PEX5L: variants seen among roughly 807,000 people sequenced by gnomAD.
PEX5L encodes PEX5-related protein.
A neutral mutation model predicts 84.0 loss-of-function variants in PEX5L; 30 were observed. That is an observed-to-expected ratio of 0.36 (90% CI 0.27 to 0.48). The LOEUF is 0.48. Among genes scored for constraint, PEX5L ranks in the 20% least tolerant of loss-of-function variants. The pLI is 0.99. For missense variants in PEX5L, 533 were observed against 754.6 expected (o/e 0.71, Z 3.44); for synonymous variants, 270 against 283.1 (o/e 0.95, Z 0.46).
chr3:179,939,734 G>A (rs1207824894), intron 2 of PEX5L, among the ~76,000 whole-genome samples: 1 of 152,136 alleles, frequency 6.6e-6, no homozygotes, highest in Non-Finnish European at 1.5e-5. Context: ...GCCATAAAGA[G>A]GTTACAGCTG....
At chr3:180,022,694 G>T (rs567188511) in intron 1 of PEX5L, among the ~76,000 whole-genome samples, 103 of 152,282 alleles carry the variant, frequency 6.8e-4, no homozygotes, top group Non-Finnish European at 7.6e-4. Context: ...ATCTTGAAAA[G>T]TGTCTCCACA....
intron 8 of PEX5L, 71 bp from the exon 9 acceptor site, chr3:179,820,047 C>G (rs190921361): frequency 3.8e-5 from 60 of 1,599,830 alleles, no homozygotes; most frequent in East Asian, 1.6e-4. Flanking sequence ...TTCTTCCCCC[C>G]CTAATAGATA....
At chr3:179,838,881 G>C (rs1391286011) in intron 8 of PEX5L, among the ~76,000 whole-genome samples, 1 of 152,024 alleles carries the variant, frequency 6.6e-6, no homozygotes, top group Non-Finnish European at 1.5e-5. Context: ...TTTATCCTCA[G>C]TGTTCTGACA....
rs1718294625 is a variant in PEX5L, at chr3:179,799,713, G to C, written c.*2115C>G. On this transcript the variant is annotated 3_prime_UTR_variant, in exon 15 of 15. Coordinates refer to ENST00000467460, the MANE Select transcript of PEX5L (RefSeq NM_016559.3). ...ACAGAGATGGCAGGAGGAAGGAGCA[G>C]GGAAGGAAAGGATGCTTAATCAGGC... 1 of 152,320 alleles carries C rather than the reference G, an allele frequency of 6.6e-6. No homozygotes were observed. The highest frequency in any genetic ancestry group is 2.4e-5 in the African/African-American group (1 of 41,452). The allele number at this position is 152,320 out of a possible 1,614,324, so 9.4% of individuals were successfully genotyped here.
chr3:179,890,424 C>G (rs747111756), intron 3 of PEX5L, among the ~76,000 whole-genome samples: 2 of 152,172 alleles, frequency 1.3e-5, no homozygotes, highest in Non-Finnish European at 2.9e-5. Flanking sequence ...AGCGCAAAGA[C>G]TAAACTCAAC....
chr3:179,897,722 T>G (rs567912173), intron 3 of PEX5L, among the ~76,000 whole-genome samples: 92 of 152,252 alleles, frequency 6.0e-4, no homozygotes, highest in African/African-American at 1.2e-3. Flanking sequence ...TTAAGAAAAT[T>G]TAGATATTCT....
In PEX5L at chr3:179,880,141, G is replaced by C; in HGVS notation, c.311-18C>G. On this transcript the variant is annotated intron_variant, in intron 4 of 14. Coordinates refer to ENST00000467460, the MANE Select transcript of PEX5L (RefSeq NM_016559.3). Reference sequence around the variant, plus strand: ...GGTCAATACTACCAGAAATGGAAGAGGTTAAGATAAGCCCATTTACTACTC... The same window carrying C: ...GGTCAATACTACCAGAAATGGAAGACGTTAAGATAAGCCCATTTACTACTC... The C allele has an allele frequency of 6.6e-7, 1 of 1,519,880 alleles. No homozygotes were observed. Among genetic ancestry groups the C allele is most frequent in the South Asian group, 1.2e-5 (1 of 80,620 alleles). The allele number at this position is 1,519,880 out of a possible 1,614,324, so 94.1% of individuals were successfully genotyped here. A position where few individuals can be genotyped will look rare whatever the true frequency, so the allele number is the denominator to read the frequency against.
intron 8 of PEX5L, among the ~76,000 whole-genome samples, chr3:179,839,116 T>C (rs1444622038): frequency 6.6e-6 from 1 of 152,194 alleles, no homozygotes; most frequent in African/African-American, 2.4e-5. Context: ...GCAATGTTAC[T>C]GATTTTCTTT....
chr3:179,876,540 CT>C (rs1054194871), intron 5 of PEX5L, among the ~76,000 whole-genome samples: 6 of 151,790 alleles, frequency 4.0e-5, no homozygotes, highest in South Asian at 2.1e-4. Flanking sequence ...TCTCTAAGGT[CT>C]TTTTTCCCCT....
intron 8 of PEX5L, among the ~76,000 whole-genome samples, chr3:179,851,654 C>T (rs1741944298): frequency 6.6e-6 from 1 of 152,040 alleles, no homozygotes. Context: ...AGGGTTGTGC[C>T]CTCTGCAATA....
At position 179,977,361 on chromosome 3, in the gene PEX5L, C is replaced by G. The variant is rs4404447; in HGVS notation, c.22-5696G>C. Among the ~76,000 whole-genome samples, 3 of 152,008 alleles carry G rather than the reference C, an allele frequency of 2.0e-5. No individual in the cohort carries two copies. In the South Asian group the frequency reaches 6.2e-4, roughly 32 times the overall value. ...AGATACATGTTGCAGTTTTTACTTG[C>G]GACCCTTGCAGTAAGCCTGGTAAAT... is the stretch of plus-strand genomic sequence containing the variant. On this transcript the variant is annotated intron_variant, in intron 1 of 14. Transcript: ENST00000467460.
chr3:179,960,458 G>A (rs1781728539), intron 2 of PEX5L, among the ~76,000 whole-genome samples: 1 of 152,160 alleles, frequency 6.6e-6, no homozygotes, highest in Admixed American at 6.5e-5. Flanking sequence ...ATTTTATTTG[G>A]GAGACAGTGG....
At chr3:179,954,647 G>T (rs1156551211) in intron 2 of PEX5L, among the ~76,000 whole-genome samples, 1 of 152,136 alleles carries the variant, frequency 6.6e-6, no homozygotes, top group South Asian at 2.1e-4. Flanking sequence ...TCGTTTTCTT[G>T]ATGGCTGGTG....
chr3:179,838,898 G>A (rs987014767), intron 8 of PEX5L, among the ~76,000 whole-genome samples: 1 of 152,034 alleles, frequency 6.6e-6, no homozygotes, highest in Admixed American at 6.5e-5. Flanking sequence ...GACATAGCTT[G>A]CTCTCCAATG....
At chr3:179,937,129 G>C (rs1372654169) in intron 2 of PEX5L, among the ~76,000 whole-genome samples, 2 of 152,052 alleles carry the variant, frequency 1.3e-5, no homozygotes. Context: ...TATATAATTA[G>C]AGCCTACCCT....
At chr3:179,989,634 T>C (rs1335737831) in intron 1 of PEX5L, among the ~76,000 whole-genome samples, 1 of 152,194 alleles carries the variant, frequency 6.6e-6, no homozygotes, top group African/African-American at 2.4e-5. Context: ...TCATTTGTAA[T>C]GATATAAAGC....
In PEX5L at chr3:179,801,099, G is replaced by C. The variant is rs901108224; in HGVS notation, c.*729C>G. 3.9e-5 allele frequency: 6 copies of C among 152,620 alleles called. No individual in the cohort carries two copies. The highest frequency in any genetic ancestry group is 2.1e-4 in the South Asian group (1 of 4,836). The allele number at this position is 152,620 out of a possible 1,614,324, so 9.5% of individuals were successfully genotyped here. A position where few individuals can be genotyped will look rare whatever the true frequency, so the allele number is the denominator to read the frequency against. On this transcript the variant is annotated 3_prime_UTR_variant, in exon 15 of 15. Coordinates refer to ENST00000467460, the MANE Select transcript of PEX5L (RefSeq NM_016559.3). ...TCAGGAATTGTTTATTTGGTCCGTT[G>C]ATCTAGTGAGGCTGAGTTCTTAAAT...
At chr3:179,894,919 A>G (rs1225907817) in intron 3 of PEX5L, among the ~76,000 whole-genome samples, 3 of 152,136 alleles carry the variant, frequency 2.0e-5, no homozygotes, top group South Asian at 4.1e-4. Flanking sequence ...CTCAAGAGAG[A>G]AAAGTATTCA....
chr3:180,005,532 T>C (rs1579313914), intron 1 of PEX5L, among the ~76,000 whole-genome samples: 1 of 152,138 alleles, frequency 6.6e-6, no homozygotes, highest in East Asian at 1.9e-4. Context: ...ATCGAGACCA[T>C]TCTGGCTAAC....
Sources: gnomAD v4.1 joint callset for allele counts (sites outside exome capture counted in the v4.1 genomes callset) on GRCh38, gnomAD v4.1.1 for gene constraint, MANE v1.5 for transcripts, NCBI Gene and HGNC (gene_info 2026-07-23, HGNC 2026-07-21) for gene names.